Variants in RGS9 observed in about 807,000 individuals in gnomAD.
The protein encoded by RGS9 is regulator of G protein signaling 9, also known as regulator of G-protein signalling 9.
Under a neutral mutation model 102.0 loss-of-function variants are expected in RGS9, and 78 were observed. That is an observed-to-expected ratio of 0.76 (90% CI 0.64 to 0.92). The LOEUF is 0.92. Among genes scored for constraint, RGS9 ranks in the 40% least tolerant of loss-of-function variants. The pLI is 0.00. For synonymous variants in RGS9, 353 were observed against 318.6 expected, an observed-to-expected ratio of 1.11 and a Z score of -1.15; for missense variants, 833 against 866.1, an observed-to-expected ratio of 0.96 and a Z score of 0.48.
rs1905757185 is a variant in RGS9 at position 65,227,590 on chromosome 17, C to A, written c.*183C>A. The A allele has an allele frequency of 9.1e-6, 7 of 765,512 alleles. No homozygotes were observed. Among genetic ancestry groups the A allele is most frequent in the Non-Finnish European group, 1.5e-5 (7 of 466,692 alleles). 47.4% of individuals were successfully genotyped at this position (765,512 alleles called of 1,614,324 possible). A position where few individuals can be genotyped will look rare whatever the true frequency, so the allele number is the denominator to read the frequency against. On this transcript the variant is annotated 3_prime_UTR_variant, in exon 19 of 19. Coordinates refer to ENST00000262406, the MANE Select transcript of RGS9 (RefSeq NM_003835.4). ...GCTCTGGCTGGTTACCAGGGGCCAA[C>A]TCCTTCTCCTCTTCCTGACCCTCCC...
At chr17:65,197,640 C>T (rs1245805304) in intron 13 of RGS9, among the ~76,000 whole-genome samples, 4 of 151,954 alleles carry the variant, frequency 2.6e-5, no homozygotes. Flanking sequence ...TTTTTGTCTC[C>T]CAGCCTGATT....
intron 1 of RGS9, among the ~76,000 whole-genome samples, chr17:65,145,227 A>G (rs1371257867): frequency 6.7e-6 from 1 of 148,808 alleles, no homozygotes; most frequent in Non-Finnish European, 1.5e-5. Flanking sequence ...AGTAGCTGGG[A>G]CTACAGGTGC....
chr17:65,168,788 C>A (rs1289608546), intron 8 of RGS9, among the ~76,000 whole-genome samples: 1 of 152,126 alleles, frequency 6.6e-6, no homozygotes, highest in African/African-American at 2.4e-5. Flanking sequence ...TGTTGAGCTT[C>A]TCCTTGCTTG....
chr17:65,190,122 C>A, intron 10 of RGS9, 53 bp from the exon 11 acceptor site: 1 of 1,381,804 alleles, frequency 7.2e-7, no homozygotes, highest in Non-Finnish European at 1.0e-6. Flanking sequence ...TGTGTAGTGA[C>A]ACTGAAGGGT....
chr17:65,140,780 C>T (rs1257988384), intron 1 of RGS9, among the ~76,000 whole-genome samples: 1 of 151,952 alleles, frequency 6.6e-6, no homozygotes, highest in African/African-American at 2.4e-5. Flanking sequence ...GAGGCTGAGG[C>T]AGGAGAATTG....
At chr17:65,205,824 ATGATATAGGTTATG>A (rs1440302626) in intron 15 of RGS9, among the ~76,000 whole-genome samples, 5 of 149,682 alleles carry the variant, frequency 3.3e-5, no homozygotes, top group African/African-American at 7.6e-5. Flanking sequence ...TATAGATTAT[ATGATATAGGTTATG>A]TGATATTGGT....
At chr17:65,165,634 A>G (rs1349354850) in intron 7 of RGS9, among the ~76,000 whole-genome samples, 10 of 152,114 alleles carry the variant, frequency 6.6e-5, no homozygotes, top group South Asian at 4.1e-4. Context: ...AGTATCACCC[A>G]TATCAGTACC....
intron 18 of RGS9, 42 bp from the exon 19 acceptor site, chr17:65,227,233 G>C: frequency 6.8e-6 from 11 of 1,613,792 alleles, no homozygotes; most frequent in Non-Finnish European, 9.3e-6. Flanking sequence ...AGTCCCTCCT[G>C]CCCCTGCCCC....
chr17:65,200,299 G>A (rs1219653788), intron 13 of RGS9, among the ~76,000 whole-genome samples: 3 of 152,100 alleles, frequency 2.0e-5, no homozygotes, highest in Non-Finnish European at 4.4e-5. Context: ...CAAAGTGCTG[G>A]GATTACAGGC....
In RGS9 at chr17:65,210,611, G is replaced by A. The variant is rs1265992277; in HGVS notation, c.1407+6G>A. 5 of 1,613,580 alleles carry A rather than the reference G, an allele frequency of 3.1e-6. No individual in the cohort carries two copies. Among genetic ancestry groups the A allele is most frequent in the East Asian group, 4.5e-5 (2 of 44,892 alleles). Reference sequence around the variant, plus strand: ...ACACTGTGGACATCACCCAGGTCATGAGCAAGCTGGACCGCAGGAGCCAAC... The same window carrying A: ...ACACTGTGGACATCACCCAGGTCATAAGCAAGCTGGACCGCAGGAGCCAAC... On this transcript the variant is annotated splice_donor_region_variant and intron_variant, in intron 17 of 18. Coordinates refer to ENST00000262406, the MANE Select transcript of RGS9 (RefSeq NM_003835.4).
chr17:65,143,065 G>C (rs1216701539), intron 1 of RGS9, among the ~76,000 whole-genome samples: 1 of 152,036 alleles, frequency 6.6e-6, no homozygotes, highest in African/African-American at 2.4e-5. Context: ...CTTAACCATT[G>C]CTCTTTTTGA....
chr17:65,138,613 G>A (rs1910004420), intron 1 of RGS9, among the ~76,000 whole-genome samples: 1 of 152,008 alleles, frequency 6.6e-6, no homozygotes, highest in African/African-American at 2.4e-5. Flanking sequence ...CATCTGTAAA[G>A]CAGACAGGCT....
At position 65,223,365 on chromosome 17, in the gene RGS9, C is replaced by G. The variant is rs549896870; in HGVS notation, c.1408-1637C>G. On this transcript the variant is annotated intron_variant, in intron 17 of 18. Transcript: ENST00000262406. ...TGGGCTCTGAGCTGCTGTTTGGGAACAGAATCTCGTTTGAACTTCAGGGAG... is the reference window on the plus strand; with the variant it reads ...TGGGCTCTGAGCTGCTGTTTGGGAAGAGAATCTCGTTTGAACTTCAGGGAG... Among the ~76,000 whole-genome samples the G allele has an allele frequency of 4.6e-5, 7 of 152,338 alleles. No homozygotes were observed. The East Asian group carries it at 1.2e-3, about 25-fold the overall frequency.
intron 15 of RGS9, among the ~76,000 whole-genome samples, chr17:65,205,273 C>T (rs535224657): frequency 1.3e-4 from 20 of 152,186 alleles, no homozygotes; most frequent in African/African-American, 4.8e-4. Context: ...CTCATTATGG[C>T]AATGATTTCT....
At chr17:65,184,013 G>A (rs187822571) in intron 9 of RGS9, among the ~76,000 whole-genome samples, 1 of 152,342 alleles carries the variant, frequency 6.6e-6, no homozygotes, top group Admixed American at 6.5e-5. Context: ...CTTAAGCAGA[G>A]TCTTCCTCCT....
In RGS9 at chr17:65,163,004, C is replaced by A; in HGVS notation, c.424-9C>A. 1 of 1,488,364 alleles carries A rather than the reference C, an allele frequency of 6.7e-7. No homozygotes were observed. Among genetic ancestry groups the A allele is most frequent in the Non-Finnish European group, 9.4e-7 (1 of 1,068,400 alleles). 92.2% of individuals were successfully genotyped at this position (1,488,364 alleles called of 1,614,324 possible). A position where few individuals can be genotyped will look rare whatever the true frequency, so the allele number is the denominator to read the frequency against. ...GGCTTTCTGTTCTCATTTTGTTTTT[C>A]TTCTTTAGGAAAATTACAATTTCTT... On this transcript the variant is annotated splice_polypyrimidine_tract_variant and intron_variant, in intron 6 of 18. Transcript: ENST00000262406.
At chr17:65,204,738 C>T (rs555035073) in intron 15 of RGS9, among the ~76,000 whole-genome samples, 4 of 152,214 alleles carry the variant, frequency 2.6e-5, no homozygotes, top group South Asian at 2.1e-4. Flanking sequence ...TTAGTAATGA[C>T]AACATTATAA....
intron 1 of RGS9, among the ~76,000 whole-genome samples, chr17:65,144,431 T>C (rs899224850): frequency 1.1e-4 from 16 of 152,288 alleles, no homozygotes; most frequent in Admixed American, 9.2e-4. Context: ...GCACGCCCAC[T>C]GTCATGCCTC....
At position 65,227,452 on chromosome 17, in the gene RGS9, T is replaced by A. The variant is rs759634419; in HGVS notation, c.*45T>A. On this transcript the variant is annotated 3_prime_UTR_variant, in exon 19 of 19. Coordinates refer to ENST00000262406, the MANE Select transcript of RGS9 (RefSeq NM_003835.4). Reference sequence around the variant, plus strand: ...TGGGGGCTCTGGACCAGGAAGATGCTCTGACAGATGCCATGGTATGGGCCA... The same window carrying A: ...TGGGGGCTCTGGACCAGGAAGATGCACTGACAGATGCCATGGTATGGGCCA... 1 of 1,587,496 alleles carries A rather than the reference T, an allele frequency of 6.3e-7. No individual in the cohort carries two copies. The highest frequency in any genetic ancestry group is 1.8e-5 in the Admixed American group (1 of 55,192).
Sources: gnomAD v4.1 joint callset for allele counts (sites outside exome capture counted in the v4.1 genomes callset) on GRCh38, gnomAD v4.1.1 for gene constraint, MANE v1.5 for transcripts, NCBI Gene and HGNC (gene_info 2026-07-23, HGNC 2026-07-21) for gene names.